Variants in ADCY10 observed in about 807,000 individuals in gnomAD.
ADCY10 encodes adenylate cyclase 10.
A neutral mutation model predicts 183.3 loss-of-function variants in ADCY10; 156 were observed. The observed-to-expected ratio is 0.85, with a 90% confidence interval of 0.75 to 0.97. ADCY10 has a LOEUF of 0.97. Ranked by LOEUF, ADCY10 falls within the 50% of genes least tolerant of loss-of-function variation. The probability of loss-of-function intolerance (pLI) is 0.00; values close to 1 mark genes in which losing one functional copy is unlikely to be tolerated. For missense variants in ADCY10, 1,745 were observed against 1,934.3 expected (o/e 0.90, Z 1.84); for synonymous variants, 645 against 670.0 (o/e 0.96, Z 0.58).
rs1260974997 is a variant in ADCY10, at chr1:167,865,956, C to T, written c.1616+4301G>A. Among the ~76,000 whole-genome samples the T allele has an allele frequency of 7.9e-5, 12 of 152,324 alleles. No individual in the cohort carries two copies. The South Asian group carries it at 1.7e-3, about 21-fold the overall frequency. On this transcript the variant is annotated intron_variant, in intron 14 of 32. Transcript: ENST00000367851. ...TCTGCTATCCCTGTGGGTCAGCCCC[C>T]GAGGGCCATCCAGCCTCCGTCTCCC... is the stretch of plus-strand genomic sequence containing the variant.
At position 167,856,448 on chromosome 1, in the gene ADCY10, G is replaced by C. The variant is rs1469799954; in HGVS notation, c.1897-9C>G. The C allele has an allele frequency of 1.9e-6, 3 of 1,613,894 alleles. No individual in the cohort carries two copies. The highest frequency in any genetic ancestry group is 2.7e-5 in the African/African-American group (2 of 74,898). ...CTTTCCTCTTTCACTATCTGGACAA[G>C]ATGCAGAAAGAGAAAGAGAAACACC... is the stretch of plus-strand genomic sequence containing the variant. On this transcript the variant is annotated splice_polypyrimidine_tract_variant and intron_variant, in intron 16 of 32. Coordinates refer to ENST00000367851, the MANE Select transcript of ADCY10 (RefSeq NM_018417.6).
intron 7 of ADCY10, among the ~76,000 whole-genome samples, chr1:167,895,740 G>GA (rs1177055971): frequency 3.3e-5 from 5 of 152,186 alleles, no homozygotes; most frequent in African/African-American, 1.2e-4. Context: ...AGGACCTTGA[G>GA]AGTGAGTGTC....
At chr1:167,844,296 G>T (rs2101959655) in intron 21 of ADCY10, among the ~76,000 whole-genome samples, 1 of 152,292 alleles carries the variant, frequency 6.6e-6, no homozygotes, top group Non-Finnish European at 1.5e-5. Context: ...TCATGGTCCA[G>T]ATCCTAAGGC....
chr1:167,887,279 A>G (rs1404887211), intron 8 of ADCY10, among the ~76,000 whole-genome samples: 4 of 152,246 alleles, frequency 2.6e-5, no homozygotes, highest in Non-Finnish European at 5.9e-5. Context: ...CACAATAGCA[A>G]AGACCTGGAA....
intron 21 of ADCY10, among the ~76,000 whole-genome samples, chr1:167,841,713 C>A (rs927989897): frequency 6.6e-6 from 1 of 151,878 alleles, no homozygotes; most frequent in East Asian, 1.9e-4. Context: ...TGGTCTTGAA[C>A]CCTTGGCCTC....
At position 167,818,088 on chromosome 1, in the gene ADCY10, C is replaced by T; in HGVS notation, c.4466G>A (p.Gly1489Glu). 6.2e-7 allele frequency: 1 copy of T among 1,614,180 alleles called. No individual in the cohort carries two copies. Among genetic ancestry groups the T allele is most frequent in the Non-Finnish European group, 8.5e-7 (1 of 1,180,032 alleles). Residue 1489 changes from glycine to glutamate, a missense_variant, in exon 31 of 33, where the codon GGG (glycine) becomes GAG (glutamate). Transcript: ENST00000367851. ...KEQSENAQAS[G>E]EELLKNLENL... ...AGGCCTCACCTTGAGTAGCTCCTCC[C>T]CACTGGCTTGGGCATTCTCTGACTG...
At chr1:167,907,235 C>CTACT (rs1279127401) in intron 1 of ADCY10, among the ~76,000 whole-genome samples, 1 of 152,190 alleles carries the variant, frequency 6.6e-6, no homozygotes, top group African/African-American at 2.4e-5. Context: ...AAAGATGAGG[C>CTACT]TACTCATGGA....
At chr1:167,857,319 T>C (rs915183819) in intron 16 of ADCY10, among the ~76,000 whole-genome samples, 7 of 152,224 alleles carry the variant, frequency 4.6e-5, no homozygotes, top group African/African-American at 1.4e-4. Flanking sequence ...ACCTGCCTTG[T>C]TCACACATAC....
intron 3 of ADCY10, 139 bp from the exon 4 acceptor site, chr1:167,902,193 C>T: frequency 2.3e-6 from 2 of 876,754 alleles, no homozygotes; most frequent in Non-Finnish European, 3.6e-6. Flanking sequence ...GATCTCATCC[C>T]AGACAAGCCA....
chr1:167,879,356 A>T (rs1401054174), intron 11 of ADCY10, among the ~76,000 whole-genome samples: 2 of 152,212 alleles, frequency 1.3e-5, no homozygotes, highest in Non-Finnish European at 2.9e-5. Flanking sequence ...AATTAATATT[A>T]CTACAAATGA....
chr1:167,896,612 G>A lies in ADCY10; in HGVS notation c.722C>T (p.Pro241Leu), dbSNP rs751819735. The change falls in exon 7 of 33, where the codon CCT becomes CTT. Residue 241 changes from proline to leucine, a missense_variant. Pro to Leu is a moderately conservative substitution (Grantham distance 98). Transcript: ENST00000367851. ...TKCTTFMHYYPSGEHKNLLRL... is the reference protein window; with the variant it reads ...TKCTTFMHYYLSGEHKNLLRL... Reference sequence around the variant, plus strand: ...GTACTTACTTTTGTGCTCACCAGAAGGATAATAATGCATGAAGGTCGTACA... The same window carrying A: ...GTACTTACTTTTGTGCTCACCAGAAAGATAATAATGCATGAAGGTCGTACA... The A allele has an allele frequency of 1.2e-5, 19 of 1,612,832 alleles. No individual in the cohort carries two copies. The highest frequency in any genetic ancestry group is 1.5e-5 in the Non-Finnish European group (18 of 1,179,020).
intron 1 of ADCY10, among the ~76,000 whole-genome samples, chr1:167,908,880 C>T (rs1669973819): frequency 6.6e-6 from 1 of 152,178 alleles, no homozygotes; most frequent in African/African-American, 2.4e-5. Flanking sequence ...ACTAGATTTA[C>T]TGCAAATTAG....
At chr1:167,905,344 C>A in intron 1 of ADCY10, 146 bp from the exon 2 acceptor site, 1 of 670,876 alleles carries the variant, frequency 1.5e-6, no homozygotes, top group Non-Finnish European at 2.6e-6. Flanking sequence ...TCAAAAGGGC[C>A]AATTTCTATA....
intron 16 of ADCY10, among the ~76,000 whole-genome samples, chr1:167,859,161 A>C (rs890757193): frequency 2.6e-5 from 4 of 152,250 alleles, no homozygotes; most frequent in Non-Finnish European, 4.4e-5. Context: ...GAGTCACTAC[A>C]TCCAAGTGGA....
chr1:167,863,224 T>C (rs1329323589), intron 14 of ADCY10, among the ~76,000 whole-genome samples: 1 of 152,020 alleles, frequency 6.6e-6, no homozygotes, highest in African/African-American at 2.4e-5. Flanking sequence ...CTAAGCTCGG[T>C]AGTTAAAATT....
chr1:167,912,388 C>T (rs1342897623), intron 1 of ADCY10, among the ~76,000 whole-genome samples: 1 of 152,228 alleles, frequency 6.6e-6, no homozygotes, highest in Non-Finnish European at 1.5e-5. Flanking sequence ...CCTTGCCCCA[C>T]ATGTTCCTGG....
intron 31 of ADCY10, among the ~76,000 whole-genome samples, chr1:167,817,573 A>G (rs1331438084): frequency 6.6e-6 from 1 of 152,082 alleles, no homozygotes; most frequent in East Asian, 1.9e-4. Context: ...GCGCCCCAGC[A>G]CTCTTGTATT....
chr1:167,866,750 TAAA>T (rs368735411), intron 14 of ADCY10, among the ~76,000 whole-genome samples: 2 of 123,090 alleles, frequency 1.6e-5, no homozygotes, highest in Admixed American at 8.4e-5. Flanking sequence ...AAAGTTCACT[TAAA>T]AAAAAAAAAA....
intron 18 of ADCY10, among the ~76,000 whole-genome samples, chr1:167,850,540 T>A (rs769703628): frequency 6.6e-6 from 1 of 152,014 alleles, no homozygotes; most frequent in African/African-American, 2.4e-5. Flanking sequence ...ACTTGAAGAA[T>A]GTCCCAGGAG....
Sources: gnomAD v4.1 joint callset for allele counts (sites outside exome capture counted in the v4.1 genomes callset) on GRCh38, gnomAD v4.1.1 for gene constraint, MANE v1.5 for transcripts, NCBI Gene and HGNC (gene_info 2026-07-23, HGNC 2026-07-21) for gene names.